Variants in LAMC3 observed in about 807,000 individuals in gnomAD.
LAMC3 encodes the protein laminin subunit gamma 3.
In LAMC3, 128 loss-of-function variants were observed where a neutral mutation model predicts 173.8. That is an observed-to-expected ratio of 0.74 (90% CI 0.64 to 0.85). The LOEUF (loss-of-function observed/expected upper bound fraction) is 0.85, where lower values mean the gene tolerates loss of function less well. Among genes scored for constraint, LAMC3 ranks in the 40% least tolerant of loss-of-function variants. The probability of loss-of-function intolerance (pLI) is 0.00; values close to 1 mark genes in which losing one functional copy is unlikely to be tolerated. For synonymous variants in LAMC3, 897 were observed against 909.1 expected (o/e 0.99, Z 0.24); for missense variants, 2,022 against 2,156.0 (o/e 0.94, Z 1.23).
chr9:131,040,870 C>T (rs758029470), intron 6 of LAMC3, among the ~76,000 whole-genome samples: 2 of 152,166 alleles, frequency 1.3e-5, no homozygotes, highest in African/African-American at 2.4e-5. Flanking sequence ...CAACACGTAT[C>T]GCGGTACAGG....
At chr9:131,083,865 C>CTTT in intron 24 of LAMC3, among the ~76,000 whole-genome samples, 1 of 49,218 alleles carries the variant, frequency 2.0e-5, no homozygotes, top group Non-Finnish European at 3.5e-5. Context: ...GTAATAAGTG[C>CTTT]TTTTTTTTTT....
chr9:131,067,816 C>A (rs758024394), intron 14 of LAMC3, among the ~76,000 whole-genome samples: 4 of 152,172 alleles, frequency 2.6e-5, no homozygotes, highest in Non-Finnish European at 5.9e-5. Context: ...TGGCCCTCTG[C>A]AGCCTGCCAG....
In LAMC3 at chr9:131,069,657, C is replaced by G. The variant is rs1830004106; in HGVS notation, c.2891-15C>G. 5 of 1,596,204 alleles carry G rather than the reference C, an allele frequency of 3.1e-6. No homozygotes were observed. Among genetic ancestry groups the G allele is most frequent in the Non-Finnish European group, 4.3e-6 (5 of 1,173,100 alleles). ...CCCCTCTAAACCCAGCACGCACTGC[C>G]CCTGGCCCCTCTAGCCTGCAGGTGC... On this transcript the variant is annotated splice_polypyrimidine_tract_variant and intron_variant, in intron 16 of 27. Coordinates refer to ENST00000361069, the MANE Select transcript of LAMC3 (RefSeq NM_006059.4).
Position 131,077,311 on chromosome 9 carries a change from T to C in LAMC3, c.3754T>C (p.Leu1252=). 1 of 1,614,002 alleles carries C rather than the reference T, an allele frequency of 6.2e-7. No homozygotes were observed. The highest frequency in any genetic ancestry group is 1.1e-5 in the South Asian group (1 of 91,082). The change falls in exon 22 of 28, where the codon TTG becomes CTG. Residue 1252 remains leucine, a synonymous_variant. Coordinates refer to ENST00000361069, the MANE Select transcript of LAMC3 (RefSeq NM_006059.4). ...VGADTAPYLA[L]LASPGALPQK... is the part of the protein sequence containing the mutation. ...CGCAGATACAGCCCCGTACCTGGCC[T>C]TGCTGGCTTCCCCGGGAGCTCTGGT... is the stretch of plus-strand genomic sequence containing the variant.
Position 131,009,700 on chromosome 9 carries a change from T to C in LAMC3, c.373+113T>C. On this transcript the variant is annotated intron_variant, in intron 1 of 27. Coordinates refer to ENST00000361069, the MANE Select transcript of LAMC3 (RefSeq NM_006059.4). The surrounding 1 kb of genome is among the most constrained non-coding windows in gnomAD (Gnocchi z 4.3). ...CAGGTTGGGCTGCAGGACCCAGATA[T>C]GGTGTTGGATGGAGGGGCTCAGAAA... The C allele has an allele frequency of 2.4e-6, 3 of 1,254,362 alleles. No individual in the cohort carries two copies. Among genetic ancestry groups the C allele is most frequent in the Admixed American group, 2.2e-5 (1 of 45,752 alleles). 77.7% of individuals were successfully genotyped at this position (1,254,362 alleles called of 1,614,324 possible).
At chr9:131,068,676 C>T (rs1829985559) in intron 15 of LAMC3, among the ~76,000 whole-genome samples, 1 of 152,154 alleles carries the variant, frequency 6.6e-6, no homozygotes, top group African/African-American at 2.4e-5. Flanking sequence ...TATAGTCTCC[C>T]CGAGACACGT....
chr9:131,032,531 GCTGT>G lies in LAMC3; in HGVS notation c.809+359_809+362del, dbSNP rs71389384. On this transcript the variant is annotated intron_variant, in intron 3 of 27. Coordinates refer to ENST00000361069, the MANE Select transcript of LAMC3 (RefSeq NM_006059.4). ...CGCTCTCTCTCTCTTGCTCTCTCTCGCTGTCTCTCTCTCTTGCTCTCTCTCGCTC... is the reference window on the plus strand; with the variant it reads ...CGCTCTCTCTCTCTTGCTCTCTCTCGCTCTCTCTCTTGCTCTCTCTCGCTC... 5.9e-3 allele frequency among the ~76,000 whole-genome samples: 360 copies of G among 60,998 alleles called. 1 individual carries two copies. The highest frequency in any genetic ancestry group is 0.014 in the Admixed American group (79 of 5,744). 40.0% of individuals were successfully genotyped at this position (60,998 alleles called of 152,430 possible).
rs1248720458 is a variant in LAMC3 at position 131,052,594 on chromosome 9, A to C, written c.1734A>C (p.Glu578Asp). The change falls in exon 10 of 28, where the codon GAA becomes GAC. Residue 578 changes from glutamate (E) to aspartate (D), a missense_variant. Glu to Asp is a conservative substitution (Grantham distance 45, BLOSUM62 2). Transcript: ENST00000361069. ...CACTCCCTGTACAGCTGAGGCTGGA[A>C]GGGACAGGCTTGGCCCTGTCCCTGA... is the stretch of plus-strand genomic sequence containing the variant. ...DSPLPVQLRL[E>D]GTGLALSLRH... The C allele has an allele frequency of 6.2e-7, 1 of 1,613,918 alleles. No homozygotes were observed. Among genetic ancestry groups the C allele is most frequent in the African/African-American group, 1.3e-5 (1 of 74,920 alleles).
intron 1 of LAMC3, among the ~76,000 whole-genome samples, chr9:131,018,018 T>TC (rs987711799): frequency 1.3e-5 from 2 of 151,680 alleles, no homozygotes; most frequent in Non-Finnish European, 1.5e-5. Flanking sequence ...AGAGCAAGAC[T>TC]CCATCTCAAA....
intron 12 of LAMC3, among the ~76,000 whole-genome samples, chr9:131,059,550 GCA>G (rs4063493): frequency 0.62 from 89,293 of 145,184 alleles, 28,486 homozygotes; most frequent in Non-Finnish European, 0.7. Context: ...GGGAGGGCAA[GCA>G]CAACCACACG....
chr9:131,055,931 C>T (rs994505702), intron 11 of LAMC3, among the ~76,000 whole-genome samples: 1 of 152,016 alleles, frequency 6.6e-6, no homozygotes, highest in Non-Finnish European at 1.5e-5. Flanking sequence ...GGCGTGGTGG[C>T]TCAAGCCTGT....
chr9:131,047,684 G>A (rs1013769207), intron 8 of LAMC3, among the ~76,000 whole-genome samples: 2 of 150,730 alleles, frequency 1.3e-5, no homozygotes, highest in South Asian at 4.2e-4. Context: ...CCAACATGAC[G>A]AAACCCCGTC....
chr9:131,014,067 C>T (rs1044088817), intron 1 of LAMC3, among the ~76,000 whole-genome samples: 1 of 152,246 alleles, frequency 6.6e-6, no homozygotes, highest in African/African-American at 2.4e-5. Flanking sequence ...AACTGCCCTC[C>T]AGGCCCCTGG....
At chr9:131,079,941 G>A (rs895543024) in intron 23 of LAMC3, among the ~76,000 whole-genome samples, 9 of 152,098 alleles carry the variant, frequency 5.9e-5, no homozygotes, top group Non-Finnish European at 1.0e-4. Context: ...GCAGAGAAGC[G>A]GCCACTTTCC....
At chr9:131,091,013 T>G (rs1214966049) in intron 27 of LAMC3, among the ~76,000 whole-genome samples, 4 of 152,124 alleles carry the variant, frequency 2.6e-5, no homozygotes, top group Non-Finnish European at 5.9e-5. Context: ...AGAGCGAGAC[T>G]CCGTCTCAAT....
chr9:131,023,613 T>C (rs1056042561), intron 1 of LAMC3, among the ~76,000 whole-genome samples: 10 of 152,160 alleles, frequency 6.6e-5, no homozygotes, highest in African/African-American at 2.4e-4. Context: ...GCCATTTTTG[T>C]TTTTTCTTTT....
At position 131,041,735 on chromosome 9, in the gene LAMC3, G is replaced by C. The variant is rs763001694; in HGVS notation, c.1382G>C (p.Arg461Thr). 3 of 1,612,752 alleles carry C rather than the reference G, an allele frequency of 1.9e-6. No individual in the cohort carries two copies. Among genetic ancestry groups the C allele is most frequent in the Non-Finnish European group, 2.5e-6 (3 of 1,179,794 alleles). ...AATGTGGAAGGCAACCTATGTGACA[G>C]GTTTGTGAGCTAATCCAGCAGTAAG... is the stretch of plus-strand genomic sequence containing the variant. ...KENVEGNLCD[R>T]CRPGTFNLQP... The change falls in exon 7 of 28, where the codon AGA becomes ACA. Residue 461 changes from arginine (R) to threonine (T), a missense_variant and splice_region_variant. Coordinates refer to ENST00000361069, the MANE Select transcript of LAMC3 (RefSeq NM_006059.4).
chr9:131,010,426 G>T (rs1361380016), intron 1 of LAMC3, among the ~76,000 whole-genome samples: 1 of 152,232 alleles, frequency 6.6e-6, no homozygotes, highest in East Asian at 1.9e-4. Flanking sequence ...GGCGGGAGAG[G>T]CAGGGAGTCA....
At chr9:131,024,670 G>A (rs1276018965) in intron 1 of LAMC3, among the ~76,000 whole-genome samples, 1 of 152,164 alleles carries the variant, frequency 6.6e-6, no homozygotes, top group Non-Finnish European at 1.5e-5. Flanking sequence ...ATGCAGGAGG[G>A]ACTCCCTGCG....
Sources: gnomAD v4.1 joint callset for allele counts (sites outside exome capture counted in the v4.1 genomes callset) on GRCh38, gnomAD v4.1.1 for gene constraint, Gnocchi (gnomAD v3.1) non-coding constraint, MANE v1.5 for transcripts, NCBI Gene and HGNC (gene_info 2026-07-23, HGNC 2026-07-21) for gene names.